MATN4: variants seen among roughly 807,000 people sequenced by gnomAD.
The protein encoded by MATN4 is matrilin-4.
In MATN4, 40 loss-of-function variants were observed where a neutral mutation model predicts 54.6. The observed-to-expected ratio is 0.73, with a 90% CI of 0.57 to 0.95. The LOEUF (loss-of-function observed/expected upper bound fraction) is 0.95, where lower values mean the gene tolerates loss of function less well. MATN4 is among the 40% of genes least tolerant of loss of function. The pLI is 0.00. For synonymous variants in MATN4, 351 were observed against 345.3 expected, an observed-to-expected ratio of 1.02 and a Z score of -0.18; for missense variants, 810 against 819.1, an observed-to-expected ratio of 0.99 and a Z score of 0.13.
chr20:45,294,435 TCCTGGTCTGTGGACC>T (rs1221009526), intron 8 of MATN4, among the ~76,000 whole-genome samples: 2 of 152,258 alleles, frequency 1.3e-5, no homozygotes, highest in African/African-American at 4.8e-5. Context: ...ATGCTGATGC[TCCTGGTCTGTGGACC>T]ACACTTTGTG....
At chr20:45,301,291 G>A (rs776444543) in intron 4 of MATN4, 30 bp downstream of exon 4, 3 of 1,611,828 alleles carry the variant, frequency 1.9e-6, no homozygotes, top group Non-Finnish European at 2.5e-6. Context: ...ACAGTCCAGG[G>A]TGTGGTGGGA....
chr20:45,304,108 G>T, intron 3 of MATN4, 120 bp downstream of exon 3: 3 of 848,968 alleles, frequency 3.5e-6, no homozygotes, highest in Non-Finnish European at 5.2e-6. Flanking sequence ...GGTAGGTCAG[G>T]GCAACTCTAC....
chr20:45,301,876 A>T (rs1181458687), intron 3 of MATN4, among the ~76,000 whole-genome samples: 3 of 151,966 alleles, frequency 2.0e-5, no homozygotes, highest in Admixed American at 2.0e-4. Flanking sequence ...AAAAAAAAAA[A>T]AGAACAAGAG....
Position 45,304,314 on chromosome 20 carries a change from G to A in MATN4, c.557C>T (p.Ser186Leu), listed in dbSNP as rs939059210. 2.6e-6 allele frequency: 4 copies of A among 1,528,910 alleles called. No individual in the cohort carries two copies. In the African/African-American group the frequency reaches 4.3e-5, roughly 16 times the overall value. The allele number at this position is 1,528,910 out of a possible 1,614,324, so 94.7% of individuals were successfully genotyped here. A position where few individuals can be genotyped will look rare whatever the true frequency, so the allele number is the denominator to read the frequency against. ...ADVGSLRAMA[S>L]PPLDEHVFLV... ...GAAGACGTGCTCGTCTAGCGGGGGC[G>A]ATGCCATGGCGCGCAGGGAGCCCAC... Residue 186 changes from serine (S) to leucine (L), a missense_variant, in exon 3 of 10, where the codon TCG becomes TTG. Coordinates refer to ENST00000372756, the MANE Select transcript of MATN4 (RefSeq NM_001393530.1).
chr20:45,301,383 C>T lies in MATN4; in HGVS notation c.704G>A (p.Gly235Asp). Reference sequence around the variant, plus strand: ...AACTTGGCAGTGACAGAAATAGGAGCCTGGGGAATTGACGCAGTGGTGCTC... The same window carrying T: ...AACTTGGCAGTGACAGAAATAGGAGTCTGGGGAATTGACGCAGTGGTGCTC... Reference protein sequence around the residue: ...GCEHHCVNSPGSYFCHCQVGF... With the variant: ...GCEHHCVNSPDSYFCHCQVGF... Residue 235 changes from glycine (G) to aspartate (D), a missense_variant, in exon 4 of 10, where the codon GGC becomes GAC. Physicochemically the swap from Gly to Asp is moderately conservative, Grantham distance 94. Coordinates refer to ENST00000372756, the MANE Select transcript of MATN4 (RefSeq NM_001393530.1). 1.2e-6 allele frequency: 2 copies of T among 1,614,116 alleles called. No homozygotes were observed. The highest frequency in any genetic ancestry group is 1.7e-6 in the Non-Finnish European group (2 of 1,180,026).
In MATN4 at chr20:45,293,994, G is replaced by C. The variant is rs201738886; in HGVS notation, c.1601C>G (p.Thr534Arg). ...ICPEEGISAG[T>R]ELRSPCECES... ...GCATTCGCATGGGCTCCGAAGCTCT[G>C]TCCCTGCGCTGATGCCCTCCTCTGC... Residue 534 changes from threonine (T) to arginine (R), a missense_variant, in exon 9 of 10, where the codon ACA becomes AGA. By Grantham distance (71) the Thr-to-Arg change is moderately conservative (BLOSUM62 -1). Coordinates refer to ENST00000372756, the MANE Select transcript of MATN4 (RefSeq NM_001393530.1). 123 of 1,602,732 alleles carry C rather than the reference G, an allele frequency of 7.7e-5. No homozygotes were observed. The highest frequency in any genetic ancestry group is 9.9e-5 in the Non-Finnish European group (117 of 1,179,750).
rs1568876106 is a variant in MATN4, at chr20:45,301,385, T to G, written c.702A>C (p.Pro234=). ...HGCEHHCVNS[P]GSYFCHCQVG... ...CTTGGCAGTGACAGAAATAGGAGCC[T>G]GGGGAATTGACGCAGTGGTGCTCAC... is the stretch of plus-strand genomic sequence containing the variant. The change falls in exon 4 of 10, where the codon CCA becomes CCC. Residue 234 remains proline, a synonymous_variant. Coordinates refer to ENST00000372756, the MANE Select transcript of MATN4 (RefSeq NM_001393530.1). 1.2e-6 allele frequency: 2 copies of G among 1,614,152 alleles called. No individual in the cohort carries two copies. The highest frequency in any genetic ancestry group is 1.7e-6 in the Non-Finnish European group (2 of 1,180,026).
At chr20:45,297,891 G>C in intron 8 of MATN4, 27 bp downstream of exon 8, 1 of 1,612,900 alleles carries the variant, frequency 6.2e-7, no homozygotes, top group African/African-American at 1.3e-5. Context: ...TGAGAGAGAG[G>C]AGGAGCCCCG....
chr20:45,303,724 C>A (rs1156916101), intron 3 of MATN4, among the ~76,000 whole-genome samples: 1 of 152,178 alleles, frequency 6.6e-6, no homozygotes, highest in Non-Finnish European at 1.5e-5. Flanking sequence ...GAAGAGGAGA[C>A]ACTCAATTAG....
At chr20:45,296,856 T>C (rs983589923) in intron 8 of MATN4, among the ~76,000 whole-genome samples, 2 of 151,400 alleles carry the variant, frequency 1.3e-5, no homozygotes, top group Non-Finnish European at 2.9e-5. Context: ...ATATATAGTA[T>C]ATTATATATA....
chr20:45,304,176 C>A, intron 3 of MATN4, 52 bp downstream of exon 3: 1 of 1,404,386 alleles, frequency 7.1e-7, no homozygotes, highest in South Asian at 1.6e-5. Flanking sequence ...GAAAGGAATC[C>A]AAGCATTTGG....
At chr20:45,299,898 A>AAAG (rs60963790) in intron 6 of MATN4, among the ~76,000 whole-genome samples, 22,998 of 98,586 alleles carry the variant, frequency 0.23, 5,267 homozygotes, top group Admixed American at 0.28. Flanking sequence ...AAAAAAAAAA[A>AAAG]AGTCGAAGAG....
At position 45,294,038 on chromosome 20, in the gene MATN4, C is replaced by A. The variant is rs149032936; in HGVS notation, c.1580-23G>T. ...CCTCTGCAAGCCGGACACAGAGGGT[C>A]AGGGGGATGAGAAATTGCCCTAGCT... is the stretch of plus-strand genomic sequence containing the variant. On this transcript the variant is annotated intron_variant, in intron 8 of 9. Transcript: ENST00000372756. 88 of 1,572,648 alleles carry A rather than the reference C, an allele frequency of 5.6e-5. 1 individual carries two copies. The African/African-American group carries it at 9.3e-4, about 17-fold the overall frequency.
At chr20:45,305,379 G>T in intron 2 of MATN4, 131 bp downstream of exon 2, 1 of 609,910 alleles carries the variant, frequency 1.6e-6, no homozygotes, top group Non-Finnish European at 2.8e-6. Context: ...AGGTGAAGTG[G>T]GGAACTTAAA....
chr20:45,308,263 G>T lies in MATN4; in HGVS notation c.-123C>A. On this transcript the variant is annotated 5_prime_UTR_variant, in exon 1 of 10. Transcript: ENST00000372756. ...GGCACTTGGACCAGGTAACGGCGGCGTGGCAGCGTGCCCTAGGTGGGGACT... is the reference window on the plus strand; with the variant it reads ...GGCACTTGGACCAGGTAACGGCGGCTTGGCAGCGTGCCCTAGGTGGGGACT... 3 of 1,570,360 alleles carry T rather than the reference G, an allele frequency of 1.9e-6. No homozygotes were observed. The highest frequency in any genetic ancestry group is 2.6e-6 in the Non-Finnish European group (3 of 1,140,528).
intron 3 of MATN4, 119 bp downstream of exon 3, chr20:45,304,109 G>A: frequency 1.2e-6 from 1 of 854,138 alleles, no homozygotes. Flanking sequence ...GTAGGTCAGG[G>A]CAACTCTACC....
chr20:45,302,434 T>TA (rs1239965169), intron 3 of MATN4, among the ~76,000 whole-genome samples: 1 of 152,200 alleles, frequency 6.6e-6, no homozygotes, highest in Non-Finnish European at 1.5e-5. Context: ...TGGTACTCAG[T>TA]AAAAAACTGA....
chr20:45,302,752 G>T (rs1464565969), intron 3 of MATN4, among the ~76,000 whole-genome samples: 1 of 151,972 alleles, frequency 6.6e-6, no homozygotes, highest in East Asian at 1.9e-4. Context: ...CCCCCCAACA[G>T]TATCTAAGAA....
intron 2 of MATN4, 107 bp downstream of exon 2, chr20:45,305,403 G>A (rs764494029): frequency 1.1e-5 from 9 of 818,496 alleles, no homozygotes; most frequent in Non-Finnish European, 1.8e-5. Context: ...AGTCCCATAT[G>A]TTCCAAAGCC....
Sources: gnomAD v4.1 joint callset for allele counts (sites outside exome capture counted in the v4.1 genomes callset) on GRCh38, gnomAD v4.1.1 for gene constraint, MANE v1.5 for transcripts, NCBI Gene and HGNC (gene_info 2026-07-23, HGNC 2026-07-21) for gene names.